The following MAGI1 variants were observed in gnomAD, a reference collection of about 807,000 sequenced individuals.
The protein encoded by MAGI1 is membrane associated guanylate kinase, WW and PDZ domain containing 1, also known as membrane-associated guanylate kinase, WW and PDZ domain-containing protein 1.
In MAGI1, 58 loss-of-function variants were observed where a neutral mutation model predicts 139.9. The ratio of observed to expected loss-of-function variants is 0.41; its 90% CI spans 0.34 to 0.52. The LOEUF (loss-of-function observed/expected upper bound fraction) is 0.52. Among genes scored for constraint, MAGI1 ranks in the 20% least tolerant of loss-of-function variants. MAGI1 has a pLI of 0.12. For missense variants in MAGI1, 1,874 were observed against 1,901.6 expected, an observed-to-expected ratio of 0.99 and a Z score of 0.27; for synonymous variants, 812 against 737.9, an observed-to-expected ratio of 1.10 and a Z score of -1.63.
At chr3:65,486,197 A>C (rs1205500060) in intron 3 of MAGI1, among the ~76,000 whole-genome samples, 2 of 152,208 alleles carry the variant, frequency 1.3e-5, no homozygotes, top group Admixed American at 1.3e-4. Context: ...AAACAATAAC[A>C]TTATTGAATG....
chr3:65,497,543 C>T (rs1952543891), intron 2 of MAGI1, among the ~76,000 whole-genome samples: 2 of 152,012 alleles, frequency 1.3e-5, no homozygotes, highest in African/African-American at 2.4e-5. Context: ...CATCTTCAGC[C>T]TCCATACCAA....
intron 2 of MAGI1, among the ~76,000 whole-genome samples, chr3:65,565,330 C>T (rs1352120526): frequency 6.6e-6 from 1 of 152,078 alleles, no homozygotes; most frequent in African/African-American, 2.4e-5. Context: ...CAATATATAG[C>T]CAAACCTAGT....
intron 18 of MAGI1, among the ~76,000 whole-genome samples, chr3:65,370,359 A>G (rs1026820044): frequency 2.0e-5 from 3 of 152,194 alleles, no homozygotes; most frequent in Non-Finnish European, 2.9e-5. Context: ...ACTAGAGAAG[A>G]GGCTTATTAT....
intron 14 of MAGI1, among the ~76,000 whole-genome samples, chr3:65,389,432 C>T (rs543398422): frequency 3.3e-5 from 5 of 152,230 alleles, no homozygotes; most frequent in African/African-American, 7.2e-5. Context: ...CAGGAAAACT[C>T]AATCATAAAT....
chr3:66,030,486 G>A lies in MAGI1; in HGVS notation c.313+7510C>T, dbSNP rs892153420. Among the ~76,000 whole-genome samples, 3 of 152,204 alleles carry A rather than the reference G, an allele frequency of 2.0e-5. No homozygotes were observed. In the East Asian group the frequency reaches 5.8e-4, roughly 29 times the overall value. Reference sequence around the variant, plus strand: ...CAGAGCTTACATTCTAGAGAAAGAGGTAAAATAAGAAATTTACTTGTGGTG... The same window carrying A: ...CAGAGCTTACATTCTAGAGAAAGAGATAAAATAAGAAATTTACTTGTGGTG... On this transcript the variant is annotated intron_variant, in intron 1 of 22. Coordinates refer to ENST00000402939, the MANE Select transcript of MAGI1 (RefSeq NM_001033057.2).
intron 12 of MAGI1, among the ~76,000 whole-genome samples, chr3:65,409,981 T>G (rs968821840): frequency 1.8e-4 from 27 of 152,318 alleles, no homozygotes; most frequent in African/African-American, 5.8e-4. Context: ...TATGTCCCAG[T>G]AGAAATAAAT....
intron 1 of MAGI1, among the ~76,000 whole-genome samples, chr3:65,788,263 C>A (rs981842122): frequency 6.6e-6 from 1 of 152,204 alleles, no homozygotes; most frequent in African/African-American, 2.4e-5. Context: ...GGGAATCACA[C>A]AATGATCCCA....
chr3:65,883,133 C>T (rs1157488270), intron 1 of MAGI1, among the ~76,000 whole-genome samples: 3 of 152,018 alleles, frequency 2.0e-5, no homozygotes, highest in South Asian at 2.1e-4. Flanking sequence ...TGTAGTAAAA[C>T]GTCACAGGTC....
chr3:65,925,426 A>C (rs1199523992), intron 1 of MAGI1: 3 of 152,200 alleles, frequency 2.0e-5, no homozygotes, highest in African/African-American at 7.2e-5. Context: ...GCCCACCTTG[A>C]CCCAACAAGG....
chr3:65,421,632 C>A (rs62252618), intron 12 of MAGI1, among the ~76,000 whole-genome samples: 40,610 of 152,122 alleles, frequency 0.27, 7,292 homozygotes, highest in Non-Finnish European at 0.39. Context: ...GAGGTTTCTT[C>A]CATTTTTTAG....
At chr3:65,853,664 G>A (rs549749489) in intron 1 of MAGI1, among the ~76,000 whole-genome samples, 1 of 152,246 alleles carries the variant, frequency 6.6e-6, no homozygotes, top group East Asian at 1.9e-4. Context: ...AAGGGCAGCT[G>A]AATGCAAGGA....
chr3:65,917,784 GATAA>G (rs2061976091), intron 1 of MAGI1, among the ~76,000 whole-genome samples: 1 of 152,170 alleles, frequency 6.6e-6, no homozygotes, highest in African/African-American at 2.4e-5. Context: ...GGAGTGGGGA[GATAA>G]ATAAGTAGAG....
At chr3:65,662,600 T>C (rs2086261822) in intron 1 of MAGI1, among the ~76,000 whole-genome samples, 1 of 152,226 alleles carries the variant, frequency 6.6e-6, no homozygotes, top group Non-Finnish European at 1.5e-5. Context: ...TTTTTTATTG[T>C]ATCAATTTAA....
At chr3:65,654,177 T>C (rs191256885) in intron 1 of MAGI1, among the ~76,000 whole-genome samples, 14 of 152,298 alleles carry the variant, frequency 9.2e-5, no homozygotes, top group Non-Finnish European at 7.4e-5. Context: ...AACATTAAAT[T>C]GTTTTAGAAT....
chr3:65,524,117 A>G lies in MAGI1; in HGVS notation c.431-30486T>C, dbSNP rs74425985. 4.2e-3 allele frequency among the ~76,000 whole-genome samples: 642 copies of G among 152,294 alleles called. 5 individuals carry two copies. The highest frequency in any genetic ancestry group is 0.015 in the African/African-American group (610 of 41,572). The stretch of plus-strand genomic sequence containing the variant: ...AAAAGGAAGAAAGGTAGGAAGGAAG[A>G]ATGAAAAGTTGATTTTGGTCTTTGG... On this transcript the variant is annotated intron_variant, in intron 2 of 22. Coordinates refer to ENST00000402939, the MANE Select transcript of MAGI1 (RefSeq NM_001033057.2).
chr3:65,899,893 A>C (rs147757317), intron 1 of MAGI1, among the ~76,000 whole-genome samples: 8 of 152,360 alleles, frequency 5.3e-5, no homozygotes, highest in African/African-American at 1.9e-4. Flanking sequence ...GGTCAAGTCC[A>C]AAGTGAGAGT....
At chr3:65,500,138 T>A (rs1456921112) in intron 2 of MAGI1, among the ~76,000 whole-genome samples, 1 of 152,222 alleles carries the variant, frequency 6.6e-6, no homozygotes, top group East Asian at 1.9e-4. Flanking sequence ...ATACTTTACT[T>A]GCCTTACCGA....
chr3:65,422,115 A>G (rs1946669454), intron 12 of MAGI1, among the ~76,000 whole-genome samples: 1 of 152,224 alleles, frequency 6.6e-6, no homozygotes, highest in Non-Finnish European at 1.5e-5. Flanking sequence ...TACTTCCTGC[A>G]ATGGTGGAAA....
intron 1 of MAGI1, among the ~76,000 whole-genome samples, chr3:65,842,256 G>C (rs538628685): frequency 2.6e-5 from 4 of 152,074 alleles, no homozygotes; most frequent in Non-Finnish European, 5.9e-5. Flanking sequence ...TTACAATCCA[G>C]TTAGGGAGGA....
Sources: allele counts gnomAD v4.1 joint callset (sites outside exome capture counted in the v4.1 genomes callset), GRCh38; gene constraint gnomAD v4.1.1; transcripts MANE v1.5; gene names NCBI Gene and HGNC (gene_info 2026-07-23, HGNC 2026-07-21).